Variants in TUT4 observed in about 807,000 individuals in gnomAD.
TUT4 encodes terminal uridylyltransferase 4.
In TUT4, 36 loss-of-function variants were observed where a neutral mutation model predicts 192.2. The ratio of observed to expected loss-of-function variants is 0.19; its 90% confidence interval spans 0.14 to 0.25. The LOEUF (loss-of-function observed/expected upper bound fraction) is 0.25. Ranked by LOEUF, TUT4 falls within the 10% of genes least tolerant of loss-of-function variation. The pLI, the probability that TUT4 is intolerant of heterozygous loss-of-function variation, is 1.00. For missense variants in TUT4, 1,493 were observed against 1,957.2 expected (o/e 0.76, Z 4.47); for synonymous variants, 618 against 666.0 (o/e 0.93, Z 1.11).
Position 52,503,773 on chromosome 1 carries a change from C to G in TUT4, c.999+5823G>C, listed in dbSNP as rs75129537. Among the ~76,000 whole-genome samples, 767 of 152,194 alleles carry G rather than the reference C, an allele frequency of 5.0e-3. 8 individuals are homozygous for G. The highest frequency in any genetic ancestry group is 0.017 in the African/African-American group (710 of 41,540). On this transcript the variant is annotated intron_variant, in intron 4 of 29. Coordinates refer to ENST00000257177, the MANE Select transcript of TUT4 (RefSeq NM_001009881.3). ...CACATTTTCAACTACCATCTTGAAA[C>G]TTTCCTTTCTTTTAGCTTCTCTAAC...
At chr1:52,455,103 G>C (rs985702925) in intron 20 of TUT4, among the ~76,000 whole-genome samples, 1 of 152,042 alleles carries the variant, frequency 6.6e-6, no homozygotes, top group Non-Finnish European at 1.5e-5. Flanking sequence ...GGGCAACATG[G>C]AGAAACCCAA....
chr1:52,426,930 T>C (rs999053156), intron 28 of TUT4, among the ~76,000 whole-genome samples: 3 of 152,102 alleles, frequency 2.0e-5, no homozygotes, highest in Non-Finnish European at 4.4e-5. Context: ...TATTTTAATA[T>C]ATTTCCATTC....
At chr1:52,439,007 T>C (rs539230856) in intron 24 of TUT4, among the ~76,000 whole-genome samples, 5 of 150,208 alleles carry the variant, frequency 3.3e-5, no homozygotes, top group Admixed American at 6.7e-5. Context: ...GAAGTGGAGA[T>C]TGCAGTAAGC....
rs192958807 is a variant in TUT4, at chr1:52,464,358, G to A, written c.3069+712C>T. 1.7e-3 allele frequency among the ~76,000 whole-genome samples: 263 copies of A among 152,108 alleles called. 2 individuals carry two copies. Among genetic ancestry groups the A allele is most frequent in the African/African-American group, 5.7e-3 (236 of 41,474 alleles). ...CAACCTCCGCCTCCTGGGTTCAAGC[G>A]ATTCTCCTGCCTCAGCCTCCTGAGT... On this transcript the variant is annotated intron_variant, in intron 16 of 29. Coordinates refer to ENST00000257177, the MANE Select transcript of TUT4 (RefSeq NM_001009881.3).
intron 15 of TUT4, among the ~76,000 whole-genome samples, chr1:52,465,628 A>G (rs893902673): frequency 1.3e-5 from 2 of 152,186 alleles, no homozygotes; most frequent in Non-Finnish European, 2.9e-5. Context: ...TCTCAACATC[A>G]CTACCAATAG....
Position 52,466,682 on chromosome 1 carries a change from A to ATTTTTT in TUT4, c.2965+1498_2965+1499insAAAAAA, listed in dbSNP as rs1553174161. On this transcript the variant is annotated intron_variant, in intron 15 of 29. Transcript: ENST00000257177. ...AAAATATATATATATATATATATATATTTTTGAGACAGAGTTTCGCTCTTG... is the reference window on the plus strand; with the variant it reads ...AAAATATATATATATATATATATATATTTTTTTTTTTGAGACAGAGTTTCGCTCTTG... Among the ~76,000 whole-genome samples the ATTTTTT allele has an allele frequency of 5.9e-3, 729 of 123,798 alleles. 6 individuals carry two copies. The highest frequency in any genetic ancestry group is 0.022 in the African/African-American group (665 of 30,824). 81.2% of individuals were successfully genotyped at this position (123,798 alleles called of 152,430 possible).
At chr1:52,499,635 C>A (rs1476833387) in intron 4 of TUT4, among the ~76,000 whole-genome samples, 1 of 152,016 alleles carries the variant, frequency 6.6e-6, no homozygotes, top group African/African-American at 2.4e-5. Flanking sequence ...ACTCAGGAGG[C>A]TGAGGTGAGG....
chr1:52,546,003 G>A (rs1217801961), intron 1 of TUT4, among the ~76,000 whole-genome samples: 1 of 151,354 alleles, frequency 6.6e-6, no homozygotes, highest in Non-Finnish European at 1.5e-5. Flanking sequence ...GCCAGGTGTG[G>A]TCGCAAGCGC....
chr1:52,463,626 A>C, intron 16 of TUT4: 2 of 1,300,260 alleles, frequency 1.5e-6, no homozygotes, highest in Admixed American at 2.3e-5. Flanking sequence ...TTGAAACATA[A>C]ATAACAATAG....
At chr1:52,481,959 G>A (rs1668582235) in intron 9 of TUT4, 36 bp from the exon 10 acceptor site, 18 of 1,425,696 alleles carry the variant, frequency 1.3e-5, no homozygotes, top group Non-Finnish European at 1.6e-5. Flanking sequence ...CTACCATTTA[G>A]CTTTCTTAAT....
intron 27 of TUT4, 155 bp from the exon 28 acceptor site, chr1:52,431,615 C>G (rs1652094011): frequency 1.8e-6 from 1 of 558,346 alleles, no homozygotes; most frequent in Non-Finnish European, 2.8e-6. Flanking sequence ...CTCAAACCCC[C>G]TTTTCAAGTA....
chr1:52,509,744 T>C (rs1676590181), intron 3 of TUT4, 32 bp from the exon 4 acceptor site: 1 of 1,272,106 alleles, frequency 7.9e-7, no homozygotes, highest in South Asian at 1.2e-5. Context: ...ATGCACTTTA[T>C]TCAGAAAACA....
intron 1 of TUT4, among the ~76,000 whole-genome samples, chr1:52,537,391 T>G (rs1346478013): frequency 2.0e-5 from 3 of 151,998 alleles, no homozygotes; most frequent in Non-Finnish European, 4.4e-5. Flanking sequence ...AACACAAAGA[T>G]AGATATTATA....
intron 1 of TUT4, among the ~76,000 whole-genome samples, chr1:52,541,228 GAA>G (rs1686558100): frequency 8.3e-6 from 1 of 121,170 alleles, no homozygotes; most frequent in African/African-American, 3.1e-5. Flanking sequence ...AAAAAAAAAA[GAA>G]GAAGTAAAAC....
intron 1 of TUT4, among the ~76,000 whole-genome samples, chr1:52,533,473 T>C (rs1241980969): frequency 1.3e-5 from 2 of 152,238 alleles, no homozygotes; most frequent in African/African-American, 4.8e-5. Context: ...TTGTTGTTGC[T>C]GTTCTCTCCT....
chr1:52,498,171 T>C (rs1672917984), intron 4 of TUT4, among the ~76,000 whole-genome samples: 1 of 152,066 alleles, frequency 6.6e-6, no homozygotes, highest in East Asian at 1.9e-4. Flanking sequence ...TAAGTCTCTG[T>C]GATCATTTCT....
At chr1:52,506,283 T>C (rs1675539901) in intron 4 of TUT4, among the ~76,000 whole-genome samples, 1 of 152,228 alleles carries the variant, frequency 6.6e-6, no homozygotes, top group Non-Finnish European at 1.5e-5. Flanking sequence ...AAAGTTTTCT[T>C]TCTTTTTTTT....
intron 4 of TUT4, among the ~76,000 whole-genome samples, chr1:52,506,028 G>A (rs1675456995): frequency 6.6e-6 from 1 of 151,848 alleles, no homozygotes; most frequent in African/African-American, 2.4e-5. Context: ...ATGTTGGCCA[G>A]GCTGGTCTCG....
At position 52,475,010 on chromosome 1, in the gene TUT4, G is replaced by A. The variant is rs748240890; in HGVS notation, c.2549C>T (p.Thr850Ile). The A allele has an allele frequency of 1.2e-6, 2 of 1,614,078 alleles. No homozygotes were observed. Among genetic ancestry groups the A allele is most frequent in the African/African-American group, 1.3e-5 (1 of 74,926 alleles). Residue 850 changes from threonine to isoleucine, a missense_variant, in exon 13 of 30, where the codon ACA (threonine) becomes ATA (isoleucine). By Grantham distance (89) the Thr-to-Ile change is moderately conservative (BLOSUM62 -1). Transcript: ENST00000257177. ...TGTTTCTAAATTTGACCTGCAGTCT[G>A]TTCCAGTAGATTTATCTGGGTCAGG... is the stretch of plus-strand genomic sequence containing the variant. ...KSPDPDKSTGTDCRSNLETES... is the reference protein window; with the variant it reads ...KSPDPDKSTGIDCRSNLETES...
Sources: allele counts gnomAD v4.1 joint callset (sites outside exome capture counted in the v4.1 genomes callset), GRCh38; gene constraint gnomAD v4.1.1; transcripts MANE v1.5; gene names NCBI Gene and HGNC (gene_info 2026-07-23, HGNC 2026-07-21).